Variants in BPTF observed in about 807,000 individuals in gnomAD.
The protein encoded by BPTF is bromodomain PHD finger transcription factor, also known as nucleosome-remodeling factor subunit BPTF.
A neutral mutation model predicts 292.5 loss-of-function variants in BPTF; 18 were observed. That is an observed-to-expected ratio of 0.06 (90% CI 0.04 to 0.09). BPTF has a LOEUF of 0.09. Among genes scored for constraint, BPTF ranks in the 10% least tolerant of loss-of-function variants. BPTF has a pLI of 1.00. For synonymous variants in BPTF, 1,225 were observed against 1,251.9 expected, an observed-to-expected ratio of 0.98 and a Z score of 0.45; for missense variants, 2,726 against 3,498.7, an observed-to-expected ratio of 0.78 and a Z score of 5.57.
intron 4 of BPTF, among the ~76,000 whole-genome samples, chr17:67,887,419 C>G (rs2060818516): frequency 6.6e-6 from 1 of 152,144 alleles, no homozygotes; most frequent in South Asian, 2.1e-4. Flanking sequence ...GACATTTTTA[C>G]ATTTTTATTT....
In BPTF at chr17:67,945,490, C is replaced by T. The variant is rs2065737476; in HGVS notation, c.6782C>T (p.Ser2261Leu). 2 of 1,614,152 alleles carry T rather than the reference C, an allele frequency of 1.2e-6. No individual in the cohort carries two copies. The highest frequency in any genetic ancestry group is 8.5e-7 in the Non-Finnish European group (1 of 1,180,030). ...QDKTLPPAQS[S>L]SVGPAEAQPQ... is the part of the protein sequence containing the mutation. ...AAAACCCTGCCACCAGCTCAGTCAT[C>T]AAGTGTGGGTCCAGCAGAAGCCCAG... Residue 2261 changes from serine to leucine, a missense_variant, in exon 21 of 28, where the codon TCA becomes TTA. This residue lies in a region of BPTF where 570 missense variants were observed against 633.5 expected (regional missense o/e 0.90). Coordinates refer to ENST00000306378, the MANE Select transcript of BPTF (RefSeq NM_182641.4).
At chr17:67,872,353 T>C (rs560572034) in intron 3 of BPTF, among the ~76,000 whole-genome samples, 2 of 152,268 alleles carry the variant, frequency 1.3e-5, no homozygotes, top group East Asian at 3.9e-4. Context: ...TTATTTTCAT[T>C]AAATGGCACT....
rs1267243412 is a variant in BPTF at position 67,921,594 on chromosome 17, TAA to T, written c.5558-1243_5558-1242del. On this transcript the variant is annotated intron_variant, in intron 13 of 27. Transcript: ENST00000306378. ...CTTAGATAGAAACGTAGTGTTTTTATAAAAGTTAGTTCTCCCCAAATGTATAC... is the reference window on the plus strand; with the variant it reads ...CTTAGATAGAAACGTAGTGTTTTTATAAGTTAGTTCTCCCCAAATGTATAC... Among the ~76,000 whole-genome samples, 3 of 152,302 alleles carry T rather than the reference TAA, an allele frequency of 2.0e-5. No individual in the cohort carries two copies. In the East Asian group the frequency reaches 5.8e-4, roughly 29 times the overall value.
intron 3 of BPTF, among the ~76,000 whole-genome samples, chr17:67,873,992 CTGGATGGATGGA>C (rs34261763): frequency 1.5e-4 from 23 of 150,448 alleles, no homozygotes; most frequent in Middle Eastern, 3.4e-3. Flanking sequence ...TAAGAAAATG[CTGGATGGATGGA>C]TGGATGGATG....
intron 16 of BPTF, 128 bp downstream of exon 16, chr17:67,928,729 C>A: frequency 8.2e-7 from 1 of 1,220,750 alleles, no homozygotes; most frequent in Non-Finnish European, 1.1e-6. Flanking sequence ...AGCAAACAAG[C>A]TGTAACGGTT....
At chr17:67,949,704 CAT>C (rs2066128945) in intron 23 of BPTF, among the ~76,000 whole-genome samples, 4 of 151,516 alleles carry the variant, frequency 2.6e-5, no homozygotes, top group Non-Finnish European at 4.4e-5. Context: ...TATATACACA[CAT>C]GTATATATAT....
intron 18 of BPTF, among the ~76,000 whole-genome samples, chr17:67,935,089 A>G (rs943684220): frequency 6.6e-6 from 1 of 152,232 alleles, no homozygotes; most frequent in Admixed American, 6.5e-5. Context: ...AAATACCTCT[A>G]TTCTTAATCA....
chr17:67,893,153 A>G lies in BPTF; in HGVS notation c.2056-217A>G, dbSNP rs146447453. 512 of 558,284 alleles carry G rather than the reference A, an allele frequency of 9.2e-4. 6 individuals carry two copies. The East Asian group carries it at 0.016, about 17-fold the overall frequency. The allele number at this position is 558,284 out of a possible 1,614,324, so 34.6% of individuals were successfully genotyped here. ...ATCTGACATGTAATAGGTACTTAAT[A>G]TGTGTTAGTTTTCTTTCTGCAGGCA... On this transcript the variant is annotated intron_variant, in intron 5 of 27. Transcript: ENST00000306378.
intron 2 of BPTF, among the ~76,000 whole-genome samples, chr17:67,863,712 G>C (rs1227776353): frequency 1.3e-5 from 2 of 152,176 alleles, no homozygotes; most frequent in Non-Finnish European, 2.9e-5. Context: ...CATCTGCAAA[G>C]ACCCTATTTC....
At chr17:67,952,695 GATT>G (rs557091526) in intron 23 of BPTF, among the ~76,000 whole-genome samples, 9 of 152,136 alleles carry the variant, frequency 5.9e-5, no homozygotes, top group African/African-American at 2.2e-4. Flanking sequence ...AGCCAATAGT[GATT>G]ATTATTATTA....
At chr17:67,886,586 C>G (rs889756685) in intron 4 of BPTF, among the ~76,000 whole-genome samples, 3 of 151,972 alleles carry the variant, frequency 2.0e-5, no homozygotes, top group African/African-American at 7.2e-5. Context: ...TACTCCCCTC[C>G]CCAAAGGTAA....
chr17:67,906,326 G>T (rs1461346815), intron 9 of BPTF, among the ~76,000 whole-genome samples: 1 of 152,074 alleles, frequency 6.6e-6, no homozygotes, highest in Non-Finnish European at 1.5e-5. Context: ...TGATCTGCCC[G>T]CCTCGGCCTC....
In BPTF at chr17:67,883,255, G is replaced by T. The variant is rs549674262; in HGVS notation, c.1864+8235G>T. Among the ~76,000 whole-genome samples, 4 of 151,278 alleles carry T rather than the reference G, an allele frequency of 2.6e-5. No homozygotes were observed. In the South Asian group the frequency reaches 8.4e-4, roughly 32 times the overall value. On this transcript the variant is annotated intron_variant, in intron 4 of 27. Transcript: ENST00000306378. ...CGCTTGAACCCAGGAGGCAGAGGTT[G>T]CAGTGAGCTGAGATCACGCCACTGC...
At chr17:67,856,564 AT>A (rs1224561011) in intron 2 of BPTF, among the ~76,000 whole-genome samples, 4 of 152,274 alleles carry the variant, frequency 2.6e-5, no homozygotes, top group African/African-American at 9.6e-5. Context: ...GGTGGGCCTT[AT>A]CAATTTTGAC....
intron 4 of BPTF, chr17:67,891,323 T>C (rs187820458): frequency 6.6e-6 from 1 of 152,336 alleles, no homozygotes; most frequent in East Asian, 1.9e-4. Flanking sequence ...AAAAACTAAT[T>C]TAGTTGATTG....
At chr17:67,927,893 T>C (rs928595862) in intron 15 of BPTF, among the ~76,000 whole-genome samples, 36 of 152,116 alleles carry the variant, frequency 2.4e-4, no homozygotes, top group African/African-American at 6.3e-4. Context: ...CAGGTAATTT[T>C]TTTTTTTTTA....
chr17:67,886,341 T>A (rs8072824), intron 4 of BPTF: 1,367,661 of 1,442,126 alleles, frequency 0.95, 650,290 homozygotes, highest in South Asian at 0.97. Context: ...CATCCATTCC[T>A]TTAAAGGGAA....
At chr17:67,941,357 G>A (rs782511269) in intron 19 of BPTF, among the ~76,000 whole-genome samples, 5 of 152,194 alleles carry the variant, frequency 3.3e-5, no homozygotes, top group Non-Finnish European at 7.3e-5. Flanking sequence ...GGAGGCTGAG[G>A]AAGGAGAATT....
intron 7 of BPTF, among the ~76,000 whole-genome samples, chr17:67,896,156 G>A (rs1024350132): frequency 1.3e-5 from 2 of 152,106 alleles, no homozygotes; most frequent in Non-Finnish European, 2.9e-5. Flanking sequence ...TAGAGATGGG[G>A]TTTCACCGTG....
Sources: allele counts gnomAD v4.1 joint callset (sites outside exome capture counted in the v4.1 genomes callset), GRCh38; gene constraint gnomAD v4.1.1; regional missense constraint gnomAD v4.1.1; transcripts MANE v1.5; gene names NCBI Gene and HGNC (gene_info 2026-07-23, HGNC 2026-07-21).